Variants in ASCC2 observed in about 807,000 individuals in gnomAD.
The protein encoded by ASCC2 is ASC-1 complex subunit P100.
Under a neutral mutation model 93.5 loss-of-function variants are expected in ASCC2, and 42 were observed. The observed-to-expected ratio is 0.45, with a 90% CI of 0.35 to 0.58. The LOEUF (loss-of-function observed/expected upper bound fraction) is 0.58. ASCC2 is among the 20% of genes least tolerant of loss of function. The pLI is 0.00. For synonymous variants in ASCC2, 364 were observed against 384.2 expected (o/e 0.95, Z 0.62); for missense variants, 859 against 977.6 (o/e 0.88, Z 1.62).
chr22:29,817,719 T>C (rs761374256), intron 5 of ASCC2, among the ~76,000 whole-genome samples: 1 of 152,218 alleles, frequency 6.6e-6, no homozygotes, highest in Non-Finnish European at 1.5e-5. Flanking sequence ...AATTTCATAC[T>C]CTATTCTTGG....
intron 1 of ASCC2, among the ~76,000 whole-genome samples, chr22:29,837,860 C>T (rs959067476): frequency 6.6e-6 from 1 of 152,238 alleles, no homozygotes; most frequent in Admixed American, 6.5e-5. Context: ...ATGTCTAGAT[C>T]TGTGTCTGGC....
intron 1 of ASCC2, among the ~76,000 whole-genome samples, chr22:29,837,119 C>T (rs958843023): frequency 6.6e-6 from 1 of 152,158 alleles, no homozygotes; most frequent in Non-Finnish European, 1.5e-5. Context: ...GAGTTTTTGT[C>T]TAAAGCACGG....
Position 29,816,028 on chromosome 22 carries a change from T to C in ASCC2, c.587A>G (p.Glu196Gly). 1 of 1,598,108 alleles carries C rather than the reference T, an allele frequency of 6.3e-7. No homozygotes were observed. Among genetic ancestry groups the C allele is most frequent in the African/African-American group, 1.3e-5 (1 of 74,928 alleles). Residue 196 changes from glutamate to glycine, a missense_variant, in exon 6 of 20, where the codon GAA (glutamate) becomes GGA (glycine). Transcript: ENST00000307790. Reference protein sequence around the residue: ...QQPSYYSDLDETLPTILQVFS... With the variant: ...QQPSYYSDLDGTLPTILQVFS... Reference sequence around the variant, plus strand: ...TACCTGAAGGATGGTAGGCAGGGTTTCATCCAGGTCACTGTAGTAACTTGG... The same window carrying C: ...TACCTGAAGGATGGTAGGCAGGGTTCCATCCAGGTCACTGTAGTAACTTGG...
chr22:29,818,079 G>A (rs1042303963), intron 5 of ASCC2, among the ~76,000 whole-genome samples: 2 of 150,810 alleles, frequency 1.3e-5, no homozygotes, highest in African/African-American at 4.9e-5. Context: ...GTACTCAGGA[G>A]GCCAAGGTGG....
At chr22:29,802,920 A>G (rs2059259008) in intron 13 of ASCC2, among the ~76,000 whole-genome samples, 1 of 150,882 alleles carries the variant, frequency 6.6e-6, no homozygotes, top group Non-Finnish European at 1.5e-5. Flanking sequence ...TGGGTGACAG[A>G]GCAAGACCCT....
At chr22:29,802,912 G>A (rs1601899589) in intron 13 of ASCC2, among the ~76,000 whole-genome samples, 2 of 151,782 alleles carry the variant, frequency 1.3e-5, no homozygotes, top group African/African-American at 4.8e-5. Context: ...CTCCAGCCTG[G>A]GTGACAGAGC....
In ASCC2 at chr22:29,793,676, G is replaced by A. The variant is rs768549296; in HGVS notation, c.1689C>T (p.Ser563=). 1 of 1,558,326 alleles carries A rather than the reference G, an allele frequency of 6.4e-7. No homozygotes were observed. The highest frequency in any genetic ancestry group is 8.7e-7 in the Non-Finnish European group (1 of 1,152,950). Residue 563 remains serine, a splice_region_variant and synonymous_variant, in exon 16 of 20, where the codon AGC becomes AGT. Transcript: ENST00000307790. ...VDLSRVHKGK[S]TRKEENTRSL... ...TCCGCGTGTTTTCCTCCTTCCTGGT[G>A]CTGAGAAGGAACAGCAGAAAGAGAG...
At chr22:29,812,461 T>C (rs2060382755) in intron 8 of ASCC2, among the ~76,000 whole-genome samples, 1 of 152,244 alleles carries the variant, frequency 6.6e-6, no homozygotes, top group South Asian at 2.1e-4. Context: ...CTTTCATATC[T>C]GTCTCCCTCC....
chr22:29,828,933 C>T (rs1038100714), intron 2 of ASCC2, among the ~76,000 whole-genome samples: 1 of 152,062 alleles, frequency 6.6e-6, no homozygotes, highest in African/African-American at 2.4e-5. Context: ...CCAGCACTTT[C>T]GGAGGCCAAG....
intron 2 of ASCC2, among the ~76,000 whole-genome samples, chr22:29,830,729 CAG>C (rs1411634929): frequency 6.6e-6 from 1 of 152,238 alleles, no homozygotes; most frequent in East Asian, 1.9e-4. Flanking sequence ...TCTTCAAGGG[CAG>C]AGACCATGTC....
intron 2 of ASCC2, chr22:29,827,721 C>G (rs2062551100): frequency 2.4e-6 from 1 of 419,884 alleles, no homozygotes; most frequent in Non-Finnish European, 5.0e-6. Flanking sequence ...TACCTCTTCC[C>G]TCACTTCTCA....
chr22:29,833,067 T>C (rs1416869962), intron 1 of ASCC2, among the ~76,000 whole-genome samples: 1 of 152,154 alleles, frequency 6.6e-6, no homozygotes, highest in Non-Finnish European at 1.5e-5. Context: ...TGTGAGCCTC[T>C]GTGCCCAGCC....
At chr22:29,804,854 T>G (rs747302777) in intron 12 of ASCC2, 24 bp from the exon 13 acceptor site, 3 of 1,607,290 alleles carry the variant, frequency 1.9e-6, no homozygotes, top group East Asian at 4.5e-5. Flanking sequence ...TTAAGGGGTC[T>G]GTCTTAAGCT....
intron 2 of ASCC2, among the ~76,000 whole-genome samples, chr22:29,828,794 G>A (rs2062764794): frequency 6.6e-6 from 1 of 152,204 alleles, no homozygotes; most frequent in South Asian, 2.1e-4. Flanking sequence ...AACTTTCAGG[G>A]GTGGTAGAAA....
rs1424537517 is a variant in ASCC2, at chr22:29,804,664, G to A, written c.1327C>T (p.His443Tyr). The change falls in exon 13 of 20, where the codon CAT (histidine) becomes TAT (tyrosine). Residue 443 changes from histidine (H) to tyrosine (Y), a missense_variant. Coordinates refer to ENST00000307790, the MANE Select transcript of ASCC2 (RefSeq NM_032204.5). ...TCCTCTTCCTCCGAGTTCTCCGGAT[G>A]TGATGATGCTTGACTGACTGCCTCT... ...TAEAVSQASS[H>Y]PENSEEEECM... 3.7e-6 allele frequency: 6 copies of A among 1,614,150 alleles called. No individual in the cohort carries two copies. Among genetic ancestry groups the A allele is most frequent in the East Asian group, 2.2e-5 (1 of 44,876 alleles).
intron 5 of ASCC2, among the ~76,000 whole-genome samples, chr22:29,818,077 G>A (rs945268033): frequency 2.0e-5 from 3 of 150,814 alleles, no homozygotes; most frequent in African/African-American, 7.3e-5. Flanking sequence ...AGGTACTCAG[G>A]AGGCCAAGGT....
At chr22:29,819,137 C>G (rs2061254522) in intron 5 of ASCC2, among the ~76,000 whole-genome samples, 1 of 152,158 alleles carries the variant, frequency 6.6e-6, no homozygotes, top group South Asian at 2.1e-4. Flanking sequence ...GTCCTGAGTA[C>G]TCTACTCATG....
intron 15 of ASCC2, among the ~76,000 whole-genome samples, chr22:29,798,949 C>G (rs1427309390): frequency 6.6e-6 from 1 of 152,274 alleles, no homozygotes; most frequent in East Asian, 1.9e-4. Context: ...CACAGTGAGT[C>G]TCTCTGCGTG....
At chr22:29,820,890 G>A (rs1003468158) in intron 5 of ASCC2, among the ~76,000 whole-genome samples, 1 of 128,934 alleles carries the variant, frequency 7.8e-6, no homozygotes, top group Non-Finnish European at 1.6e-5. Context: ...TGGGCAACAA[G>A]AGCGAAACTC....
Sources: gnomAD v4.1 joint callset for allele counts (sites outside exome capture counted in the v4.1 genomes callset) on GRCh38, gnomAD v4.1.1 for gene constraint, MANE v1.5 for transcripts, NCBI Gene and HGNC (gene_info 2026-07-23, HGNC 2026-07-21) for gene names.